MTHFD2L: variants seen among roughly 807,000 people sequenced by gnomAD.
MTHFD2L encodes the protein methylenetetrahydrofolate dehydrogenase (NADP+ dependent) 2 like.
Under a neutral mutation model 34.9 loss-of-function variants are expected in MTHFD2L, and 29 were observed. The ratio of observed to expected loss-of-function variants is 0.83; its 90% CI spans 0.62 to 1.13. The LOEUF (loss-of-function observed/expected upper bound fraction) is 1.13, where lower values mean the gene tolerates loss of function less well. Ranked by LOEUF, MTHFD2L falls within the 50% of genes most tolerant of loss-of-function variation. The pLI is 0.00. For synonymous variants in MTHFD2L, 167 were observed against 155.7 expected, an observed-to-expected ratio of 1.07 and a Z score of -0.54; for missense variants, 481 against 446.5, an observed-to-expected ratio of 1.08 and a Z score of -0.70.
At chr4:74,198,811 A>G (rs1733920314) in intron 3 of MTHFD2L, among the ~76,000 whole-genome samples, 1 of 152,152 alleles carries the variant, frequency 6.6e-6, no homozygotes, top group African/African-American at 2.4e-5. Context: ...CTATTTGAAT[A>G]TGATTCAGAT....
At chr4:74,171,077 A>G (rs1008533193) in intron 1 of MTHFD2L, among the ~76,000 whole-genome samples, 1 of 152,080 alleles carries the variant, frequency 6.6e-6, no homozygotes, top group African/African-American at 2.4e-5. Flanking sequence ...ATGTATACAT[A>G]TGTAATAAAC....
chr4:74,140,056 C>T (rs1444748264), intron 1 of MTHFD2L, among the ~76,000 whole-genome samples: 2 of 152,024 alleles, frequency 1.3e-5, no homozygotes, highest in African/African-American at 2.4e-5. Context: ...TGGCTCATGC[C>T]CATAATTCTA....
chr4:74,219,992 T>A (rs987414951), intron 5 of MTHFD2L, among the ~76,000 whole-genome samples: 7 of 152,092 alleles, frequency 4.6e-5, no homozygotes, highest in African/African-American at 1.7e-4. Flanking sequence ...TTGTTACTTA[T>A]ATGTGTGTAC....
intron 6 of MTHFD2L, among the ~76,000 whole-genome samples, chr4:74,261,923 G>T (rs1744728189): frequency 6.6e-6 from 1 of 151,966 alleles, no homozygotes; most frequent in Non-Finnish European, 1.5e-5. Context: ...GATAATACGT[G>T]TAAAGCACTT....
intron 6 of MTHFD2L, among the ~76,000 whole-genome samples, chr4:74,260,309 G>C (rs1744522638): frequency 6.6e-6 from 1 of 152,158 alleles, no homozygotes; most frequent in African/African-American, 2.4e-5. Flanking sequence ...CCCCGGCTGT[G>C]AATCCTCCCT....
chr4:74,278,384 C>T (rs918849544), intron 6 of MTHFD2L, among the ~76,000 whole-genome samples: 2 of 151,998 alleles, frequency 1.3e-5, no homozygotes, highest in African/African-American at 2.4e-5. Flanking sequence ...ACTTAGAATC[C>T]GTCATTCCAA....
intron 6 of MTHFD2L, among the ~76,000 whole-genome samples, chr4:74,244,244 A>G (rs775651624): frequency 6.6e-6 from 1 of 152,086 alleles, no homozygotes. Context: ...AAGTGGTATA[A>G]TCCTCAGATC....
At chr4:74,282,069 G>A (rs894872029) in intron 7 of MTHFD2L, among the ~76,000 whole-genome samples, 1 of 152,050 alleles carries the variant, frequency 6.6e-6, no homozygotes, top group East Asian at 1.9e-4. Context: ...AAGGAACTAA[G>A]CTAAAGTTTT....
rs75061759 is a variant in MTHFD2L at position 74,251,392 on chromosome 4, A to G, written c.805+25998A>G. ...ACATGATGAGAATGAAATGTTTTCT[A>G]TCATTTGGTGGTTGTGATTGTACTC... is the stretch of plus-strand genomic sequence containing the variant. On this transcript the variant is annotated intron_variant, in intron 6 of 7. Coordinates refer to ENST00000325278, the MANE Select transcript of MTHFD2L (RefSeq NM_001144978.3). Among the ~76,000 whole-genome samples the G allele has an allele frequency of 2.3e-3, 344 of 152,286 alleles. 1 individual carries two copies. Among genetic ancestry groups the G allele is most frequent in the African/African-American group, 7.9e-3 (329 of 41,548 alleles).
intron 3 of MTHFD2L, among the ~76,000 whole-genome samples, chr4:74,189,724 G>C (rs917524179): frequency 5.9e-5 from 9 of 151,862 alleles, no homozygotes; most frequent in African/African-American, 2.2e-4. Flanking sequence ...TCTAACTTGA[G>C]ATGATTTGCT....
intron 5 of MTHFD2L, among the ~76,000 whole-genome samples, chr4:74,203,600 T>C (rs1241489013): frequency 6.6e-6 from 1 of 152,132 alleles, no homozygotes; most frequent in South Asian, 2.1e-4. Context: ...GCATTTCTCA[T>C]GGCTGGAGCA....
At chr4:74,120,592 A>T (rs563742902), upstream of MTHFD2L, among the ~76,000 whole-genome samples, 2 of 152,216 alleles carry the variant, frequency 1.3e-5, no homozygotes, top group Non-Finnish European at 2.9e-5. Flanking sequence ...ACACTGTGTC[A>T]TCCGTAGAGA....
chr4:74,302,915 C>T lies in MTHFD2L; in HGVS notation c.*1106C>T, dbSNP rs1172234548. On this transcript the variant is annotated 3_prime_UTR_variant, in exon 8 of 8. Transcript: ENST00000325278. ...AATGTCGTTGAAGTCTATTTTGAGA[C>T]TGCTAAAGCTATTAATTGATACTGT... 2 of 152,100 alleles carry T rather than the reference C, an allele frequency of 1.3e-5. No homozygotes were observed. The highest frequency in any genetic ancestry group is 4.8e-5 in the African/African-American group (2 of 41,440). The allele number at this position is 152,100 out of a possible 1,614,324, so 9.4% of individuals were successfully genotyped here.
intron 1 of MTHFD2L, chr4:74,160,918 CG>C (rs1304640404): frequency 6.6e-6 from 1 of 152,174 alleles, no homozygotes. Context: ...TCACAAAACC[CG>C]CTTTGGCTTA....
intron 6 of MTHFD2L, among the ~76,000 whole-genome samples, chr4:74,251,835 C>G (rs971553881): frequency 6.6e-6 from 1 of 152,148 alleles, no homozygotes; most frequent in African/African-American, 2.4e-5. Context: ...GCAAACAAAA[C>G]TATTTTTAAA....
intron 7 of MTHFD2L, among the ~76,000 whole-genome samples, chr4:74,288,994 AT>A (rs1482637657): frequency 1.3e-5 from 2 of 152,084 alleles, no homozygotes; most frequent in African/African-American, 2.4e-5. Flanking sequence ...AGCCCTTCAG[AT>A]TCTTCAAATT....
At chr4:74,247,835 T>G (rs940954477) in intron 6 of MTHFD2L, among the ~76,000 whole-genome samples, 30 of 152,284 alleles carry the variant, frequency 2.0e-4, no homozygotes, top group African/African-American at 7.2e-4. Flanking sequence ...GAAGCCCACT[T>G]GATCATGGTG....
intron 6 of MTHFD2L, among the ~76,000 whole-genome samples, chr4:74,273,465 T>C (rs1157394155): frequency 6.6e-6 from 1 of 152,204 alleles, no homozygotes; most frequent in Non-Finnish European, 1.5e-5. Flanking sequence ...GGGAATAATT[T>C]TGAAGTCTGA....
intron 6 of MTHFD2L, among the ~76,000 whole-genome samples, chr4:74,272,425 C>T (rs1469396667): frequency 6.6e-6 from 1 of 152,104 alleles, no homozygotes; most frequent in Admixed American, 6.6e-5. Context: ...TAAGAAATTT[C>T]TCCTTGTGAA....
Sources: gnomAD v4.1 joint callset for allele counts (sites outside exome capture counted in the v4.1 genomes callset) on GRCh38, gnomAD v4.1.1 for gene constraint, MANE v1.5 for transcripts, NCBI Gene and HGNC (gene_info 2026-07-23, HGNC 2026-07-21) for gene names.